BRINP2: variants seen among roughly 807,000 people sequenced by gnomAD.
The protein encoded by BRINP2 is BMP/retinoic acid inducible neural specific 2.
Under a neutral mutation model 69.2 loss-of-function variants are expected in BRINP2, and 21 were observed. The ratio of observed to expected loss-of-function variants is 0.30; its 90% CI spans 0.22 to 0.44. The LOEUF (loss-of-function observed/expected upper bound fraction) is 0.44, where lower values mean the gene tolerates loss of function less well. Ranked by LOEUF, BRINP2 falls within the 20% of genes least tolerant of loss-of-function variation. The pLI is 1.00. For synonymous variants in BRINP2, 380 were observed against 394.1 expected, an observed-to-expected ratio of 0.96 and a Z score of 0.42; for missense variants, 877 against 986.0, an observed-to-expected ratio of 0.89 and a Z score of 1.48.
chr1:177,231,390 G>T (rs577935547), intron 2 of BRINP2, among the ~76,000 whole-genome samples: 3 of 152,144 alleles, frequency 2.0e-5, no homozygotes, highest in East Asian at 1.9e-4. Context: ...TTTAACATCT[G>T]CAGTAACGAG....
chr1:177,273,451 G>C lies in BRINP2; in HGVS notation c.670-37G>C, dbSNP rs765456632. 61 of 1,429,602 alleles carry C rather than the reference G, an allele frequency of 4.3e-5. 1 individual carries two copies. In the South Asian group the frequency reaches 7.0e-4, roughly 16 times the overall value. The allele number at this position is 1,429,602 out of a possible 1,614,324, so 88.6% of individuals were successfully genotyped here. On this transcript the variant is annotated intron_variant, in intron 4 of 7. Coordinates refer to ENST00000361539, the MANE Select transcript of BRINP2 (RefSeq NM_021165.4). ...GGAAGTATAAAGGGAGTCTCCACTT[G>C]TTATCTAAACCCACTCCCTACTCCT... is the stretch of plus-strand genomic sequence containing the variant.
chr1:177,181,346 T>C (rs1648240210), intron 1 of BRINP2, among the ~76,000 whole-genome samples: 1 of 152,174 alleles, frequency 6.6e-6, no homozygotes, highest in African/African-American at 2.4e-5. Context: ...AAGGCAGCGG[T>C]CCTCCCTCGC....
rs919837825 is a variant in BRINP2 at position 177,281,354 on chromosome 1, G to A, written c.2178G>A (p.Arg726=). The A allele has an allele frequency of 5.6e-6, 9 of 1,614,042 alleles. No homozygotes were observed. The Admixed American group carries it at 1.2e-4, about 21-fold the overall frequency. The change falls in exon 8 of 8, where the codon CGG becomes CGA. Residue 726 remains arginine (R), a synonymous_variant. Transcript: ENST00000361539. ...TGCAGCTCATTGAGCTCAGGGACCGGGTGAACCAGCTTTCTCCACCTGGCA... is the reference window on the plus strand; with the variant it reads ...TGCAGCTCATTGAGCTCAGGGACCGAGTGAACCAGCTTTCTCCACCTGGCA... ...ALLQLIELRD[R]VNQLSPPGKV... is the part of the protein sequence containing the mutation.
intron 1 of BRINP2, among the ~76,000 whole-genome samples, chr1:177,216,952 T>A: frequency 6.6e-6 from 1 of 152,124 alleles, no homozygotes; most frequent in East Asian, 1.9e-4. Flanking sequence ...TAATTTTTGA[T>A]AATTTGATTA....
At chr1:177,276,585 C>T in intron 6 of BRINP2, 151 bp downstream of exon 6, 2 of 707,248 alleles carry the variant, frequency 2.8e-6, no homozygotes, top group Non-Finnish European at 4.8e-6. Flanking sequence ...CAGGTTATAT[C>T]ACCACCCTGA....
In BRINP2 at chr1:177,256,139, G is replaced by T. The variant is rs188503927; in HGVS notation, c.460+30G>T. ...GCAACATCACAATCCCAAGCTAATT[G>T]GTTGCCAGACCATTGGAAATAACGT... On this transcript the variant is annotated intron_variant, in intron 3 of 7. Transcript: ENST00000361539. The T allele has an allele frequency of 1.8e-4, 293 of 1,606,138 alleles. No homozygotes were observed. The African/African-American group carries it at 3.0e-3, about 16-fold the overall frequency.
At chr1:177,229,351 C>T (rs1251640468) in intron 1 of BRINP2, among the ~76,000 whole-genome samples, 3 of 152,204 alleles carry the variant, frequency 2.0e-5, no homozygotes, top group African/African-American at 7.2e-5. Flanking sequence ...TCTCACCTTA[C>T]ATCAAACTTC....
chr1:177,250,396 G>A (rs1269178735), intron 2 of BRINP2, among the ~76,000 whole-genome samples: 2 of 151,916 alleles, frequency 1.3e-5, no homozygotes, highest in South Asian at 2.1e-4. Flanking sequence ...GCACAATCTC[G>A]GCTCACTCCA....
At chr1:177,279,449 C>A (rs16851021) in intron 7 of BRINP2, among the ~76,000 whole-genome samples, 1 of 152,082 alleles carries the variant, frequency 6.6e-6, no homozygotes, top group African/African-American at 2.4e-5. Context: ...GAGGTAAAAC[C>A]AGAAATGAAA....
chr1:177,197,469 A>G (rs1558155734), intron 1 of BRINP2, among the ~76,000 whole-genome samples: 1 of 152,184 alleles, frequency 6.6e-6, no homozygotes, highest in Non-Finnish European at 1.5e-5. Context: ...AAATCATATC[A>G]GATCCTAATC....
At chr1:177,185,777 C>A (rs2102292723) in intron 1 of BRINP2, among the ~76,000 whole-genome samples, 1 of 152,262 alleles carries the variant, frequency 6.6e-6, no homozygotes, top group African/African-American at 2.4e-5. Context: ...TGAACCCAAG[C>A]AGTGTGCCTT....
At chr1:177,246,049 G>T (rs975332403) in intron 2 of BRINP2, among the ~76,000 whole-genome samples, 1 of 152,190 alleles carries the variant, frequency 6.6e-6, no homozygotes, top group Non-Finnish European at 1.5e-5. Flanking sequence ...CAGGCTTCTT[G>T]AATTCTCCCA....
At chr1:177,216,582 T>C (rs1649384138) in intron 1 of BRINP2, among the ~76,000 whole-genome samples, 1 of 152,128 alleles carries the variant, frequency 6.6e-6, no homozygotes, top group South Asian at 2.1e-4. Context: ...ACTTATACTA[T>C]TAGGTTTTGT....
intron 2 of BRINP2, among the ~76,000 whole-genome samples, chr1:177,251,029 G>T (rs1650565484): frequency 6.6e-6 from 1 of 152,094 alleles, no homozygotes; most frequent in African/African-American, 2.4e-5. Context: ...TTAAATGTTA[G>T]CCATTATTTT....
At chr1:177,197,723 G>T (rs543771033) in intron 1 of BRINP2, among the ~76,000 whole-genome samples, 144 of 152,278 alleles carry the variant, frequency 9.5e-4, no homozygotes, top group African/African-American at 3.3e-3. Context: ...CAAAAAGGAA[G>T]AAAGATCATA....
At chr1:177,268,406 G>A (rs1001293664) in intron 4 of BRINP2, among the ~76,000 whole-genome samples, 1 of 152,184 alleles carries the variant, frequency 6.6e-6, no homozygotes, top group African/African-American at 2.4e-5. Flanking sequence ...GGTGGATGGA[G>A]TTGGGATGGG....
At chr1:177,198,229 G>A (rs534752686) in intron 1 of BRINP2, among the ~76,000 whole-genome samples, 13 of 152,270 alleles carry the variant, frequency 8.5e-5, no homozygotes, top group African/African-American at 2.9e-4. Context: ...ACAGACAAAG[G>A]TATAGATTTG....
chr1:177,199,072 T>C (rs1248364285), intron 1 of BRINP2, among the ~76,000 whole-genome samples: 1 of 152,208 alleles, frequency 6.6e-6, no homozygotes, highest in African/African-American at 2.4e-5. Context: ...CCCTTCAAGA[T>C]TTTCATTCAT....
intron 2 of BRINP2, among the ~76,000 whole-genome samples, chr1:177,233,663 C>T (rs1027510072): frequency 6.6e-6 from 1 of 152,144 alleles, no homozygotes; most frequent in African/African-American, 2.4e-5. Context: ...GAGGGGAACT[C>T]AACTGAAGAA....
Sources: allele counts gnomAD v4.1 joint callset (sites outside exome capture counted in the v4.1 genomes callset), GRCh38; gene constraint gnomAD v4.1.1; transcripts MANE v1.5; gene names NCBI Gene and HGNC (gene_info 2026-07-23, HGNC 2026-07-21).